Variants in KLF12 observed in about 807,000 individuals in gnomAD.
KLF12 encodes the protein Krueppel-like factor 12.
KLF12 carries 9 observed loss-of-function variants against 37.8 expected under a neutral mutation model. That is an observed-to-expected ratio of 0.24 (90% confidence interval 0.14 to 0.42). The LOEUF is 0.42. Among genes scored for constraint, KLF12 ranks in the 10% least tolerant of loss-of-function variants. KLF12 has a pLI of 1.00. For synonymous variants in KLF12, 208 were observed against 202.1 expected (o/e 1.03, Z -0.25); for missense variants, 411 against 516.0 (o/e 0.80, Z 1.97).
intron 5 of KLF12, among the ~76,000 whole-genome samples, chr13:73,809,970 G>GC (rs1882841252): frequency 6.6e-6 from 1 of 152,162 alleles, no homozygotes; most frequent in Non-Finnish European, 1.5e-5. Flanking sequence ...TGTAGGCTGG[G>GC]CGCGGTGGCT....
At chr13:74,159,888 G>A in the KLF12 span, among the ~76,000 whole-genome samples, 3,037 of 150,870 alleles carry the variant, frequency 0.02, 111 homozygotes, top group African/African-American at 0.067. Context: ...CTGTGTCCCA[G>A]CTACTTAGGA....
intron 6 of KLF12, among the ~76,000 whole-genome samples, chr13:73,759,192 T>A (rs1468414595): frequency 6.6e-6 from 1 of 152,088 alleles, no homozygotes. Flanking sequence ...ACAGCATGCT[T>A]CCAAACCAAA....
At chr13:74,136,801 C>T (rs573007635), upstream of KLF12, among the ~76,000 whole-genome samples, 6 of 150,262 alleles carry the variant, frequency 4.0e-5, no homozygotes, top group South Asian at 1.3e-3. Context: ...AAAAGTACAT[C>T]AAGCATTGGG....
At chr13:74,075,745 C>CA (rs71115636) in intron 1 of KLF12, among the ~76,000 whole-genome samples, 3,373 of 152,162 alleles carry the variant, frequency 0.022, 54 homozygotes, top group Middle Eastern at 0.037. Context: ...TGACTACACA[C>CA]AAAAAAGTGG....
intron 6 of KLF12, among the ~76,000 whole-genome samples, chr13:73,764,411 C>A (rs1221670463): frequency 1.3e-5 from 2 of 150,706 alleles, no homozygotes; most frequent in African/African-American, 4.9e-5. Flanking sequence ...GTTGTTTCTG[C>A]AAAATTCCAT....
intron 3 of KLF12, among the ~76,000 whole-genome samples, chr13:73,872,638 A>C (rs139077170): frequency 2.1e-4 from 32 of 152,318 alleles, no homozygotes; most frequent in African/African-American, 7.2e-4. Flanking sequence ...ACTGGTCATC[A>C]TGAATCACAA....
At chr13:74,197,909 G>C in the KLF12 span, among the ~76,000 whole-genome samples, 4 of 152,048 alleles carry the variant, frequency 2.6e-5, no homozygotes, top group Admixed American at 6.6e-5. Context: ...CATTGATCAG[G>C]CTTGCGTTTC....
the KLF12 span, among the ~76,000 whole-genome samples, chr13:74,280,269 T>A: frequency 0.018 from 2,733 of 152,274 alleles, 78 homozygotes; most frequent in African/African-American, 0.06. Context: ...TCCAAAAGCA[T>A]GACTGCAACC....
the KLF12 span, among the ~76,000 whole-genome samples, chr13:74,190,730 T>A: frequency 1.3e-5 from 2 of 152,224 alleles, no homozygotes. Context: ...GCATCATTGA[T>A]TAAACTTTCA....
intron 4 of KLF12, among the ~76,000 whole-genome samples, chr13:73,820,786 G>A (rs564346639): frequency 6.6e-6 from 1 of 152,276 alleles, no homozygotes; most frequent in South Asian, 2.1e-4. Context: ...ATTCCCTAGT[G>A]CAAGGTCCAC....
the KLF12 span, among the ~76,000 whole-genome samples, chr13:74,261,183 C>G: frequency 6.6e-6 from 1 of 152,124 alleles, no homozygotes; most frequent in Non-Finnish European, 1.5e-5. Context: ...AGCAGTGACA[C>G]TTTTGAGAAG....
the KLF12 span, among the ~76,000 whole-genome samples, chr13:74,269,760 C>T: frequency 3.3e-5 from 5 of 152,080 alleles, no homozygotes; most frequent in Non-Finnish European, 7.4e-5. Flanking sequence ...TAGAAGTCCA[C>T]GTGGTATAAA....
chr13:73,788,616 C>T (rs1881490357), intron 5 of KLF12, among the ~76,000 whole-genome samples: 1 of 151,594 alleles, frequency 6.6e-6, no homozygotes, highest in African/African-American at 2.4e-5. Context: ...ACATCATGTT[C>T]CCTTTATCTA....
intron 2 of KLF12, among the ~76,000 whole-genome samples, chr13:73,987,275 G>A (rs1448033090): frequency 1.3e-5 from 2 of 152,108 alleles, no homozygotes; most frequent in African/African-American, 4.8e-5. Flanking sequence ...CTTAAGAGAA[G>A]GGAAGAAGCT....
the KLF12 span, among the ~76,000 whole-genome samples, chr13:74,291,970 T>G: frequency 2.6e-5 from 4 of 152,188 alleles, no homozygotes; most frequent in Non-Finnish European, 4.4e-5. Flanking sequence ...TATTTTATAG[T>G]TTAAATAAAT....
intron 5 of KLF12, chr13:73,800,067 T>C (rs1380302400): frequency 6.6e-6 from 1 of 152,104 alleles, no homozygotes; most frequent in Admixed American, 6.6e-5. Context: ...CTGATTATAT[T>C]TTTTGTCATT....
At chr13:74,165,498 C>T in the KLF12 span, among the ~76,000 whole-genome samples, 4 of 151,952 alleles carry the variant, frequency 2.6e-5, no homozygotes, top group East Asian at 1.9e-4. Context: ...GGGGTTTCAC[C>T]GTGTTGGCCA....
At chr13:73,867,295 C>T (rs1886223124) in intron 3 of KLF12, among the ~76,000 whole-genome samples, 1 of 151,162 alleles carries the variant, frequency 6.6e-6, no homozygotes, top group Non-Finnish European at 1.5e-5. Flanking sequence ...TATAGTCATA[C>T]TAGGGAAAAA....
intron 4 of KLF12, among the ~76,000 whole-genome samples, chr13:73,822,619 A>C (rs547379172): frequency 6.6e-6 from 1 of 152,308 alleles, no homozygotes; most frequent in African/African-American, 2.4e-5. Flanking sequence ...TTGAAGTCAC[A>C]ACAGCTACTA....
Sources: gnomAD v4.1 joint callset for allele counts (sites outside exome capture counted in the v4.1 genomes callset) on GRCh38, gnomAD v4.1.1 for gene constraint, MANE v1.5 for transcripts, NCBI Gene and HGNC (gene_info 2026-07-23, HGNC 2026-07-21) for gene names.